The following CYP1B1 variants were observed in gnomAD, a reference collection of about 807,000 sequenced individuals.
The protein encoded by CYP1B1 is cytochrome P450 1B1.
A neutral mutation model predicts 29.9 loss-of-function variants in CYP1B1; 22 were observed. That is an observed-to-expected ratio of 0.74 (90% CI 0.53 to 1.05). The LOEUF is 1.05. Ranked by LOEUF, CYP1B1 falls within the 50% of genes least tolerant of loss-of-function variation. The pLI is 0.00. For synonymous variants in CYP1B1, 375 were observed against 320.0 expected (o/e 1.17, Z -1.83); for missense variants, 883 against 746.9 (o/e 1.18, Z -2.12).
Position 38,075,925 on chromosome 2 carries a change from G to C in CYP1B1, c.-147C>G, listed in dbSNP as rs574295542. 3.0e-3 allele frequency: 486 copies of C among 163,762 alleles called. 3 individuals are homozygous for C. Among genetic ancestry groups the C allele is most frequent in the African/African-American group, 0.011 (466 of 41,658 alleles). 10.1% of individuals were successfully genotyped at this position (163,762 alleles called of 1,614,324 possible). A position where few individuals can be genotyped will look rare whatever the true frequency, so the allele number is the denominator to read the frequency against. ...TCACTGGAAGCTTTAACTCCCACTC[G>C]AGTCTCTTGGCGTCGTCAGTGCCAG... On this transcript the variant is annotated 5_prime_UTR_variant, in exon 1 of 3. Transcript: ENST00000610745.
At chr2:38,073,357 G>A (rs943346796) in intron 2 of CYP1B1, 1 of 152,164 alleles carries the variant, frequency 6.6e-6, no homozygotes, top group East Asian at 1.9e-4. Context: ...CACAAAACCA[G>A]GATTTCTGGT....
At position 38,074,745 on chromosome 2, in the gene CYP1B1, C is replaced by T; in HGVS notation, c.644G>A (p.Ser215Asn). The T allele has an allele frequency of 6.9e-6, 11 of 1,604,382 alleles. No homozygotes were observed. Among genetic ancestry groups the T allele is most frequent in the Non-Finnish European group, 9.4e-6 (11 of 1,176,278 alleles). Residue 215 changes from serine to asparagine, a missense_variant, in exon 2 of 3, where the codon AGC becomes AAC. Ser to Asn is a conservative substitution (Grantham distance 46). Transcript: ENST00000610745. ...MSAVCFGCRY[S>N]HDDPEFRELL... Reference sequence around the variant, plus strand: ...CTCACGGAACTCGGGGTCGTCGTGGCTGTAGCGGCAGCCGAAACACACGGC... The same window carrying T: ...CTCACGGAACTCGGGGTCGTCGTGGTTGTAGCGGCAGCCGAAACACACGGC...
rs898383935 is a variant in CYP1B1, at chr2:38,069,975, A to G, written c.*747T>C. On this transcript the variant is annotated 3_prime_UTR_variant, in exon 3 of 3. Transcript: ENST00000610745. ...CTTTGGCAAGCAAAAGAGGTACAAC[A>G]TCACCTTGGAGTTTTACAATTTAAT... 1 of 202,020 alleles carries G rather than the reference A, an allele frequency of 5.0e-6. No homozygotes were observed. Among genetic ancestry groups the G allele is most frequent in the African/African-American group, 2.3e-5 (1 of 43,596 alleles). The allele number at this position is 202,020 out of a possible 1,614,324, so 12.5% of individuals were successfully genotyped here.
In CYP1B1 at chr2:38,073,973, G is replaced by C. The variant is rs903851503; in HGVS notation, c.1043+373C>G. 3.0e-5 allele frequency: 9 copies of C among 296,870 alleles called. No homozygotes were observed. The Admixed American group carries it at 3.8e-4, about 13-fold the overall frequency. 18.4% of individuals were successfully genotyped at this position (296,870 alleles called of 1,614,324 possible). A position where few individuals can be genotyped will look rare whatever the true frequency, so the allele number is the denominator to read the frequency against. ...TATTTATGACATTACCTTTTCTTTC[G>C]GAACTATTCCAGTTCTGATTGTAAT... On this transcript the variant is annotated intron_variant, in intron 2 of 2. Transcript: ENST00000610745.
In CYP1B1 at chr2:38,075,156, G is replaced by T. The variant is rs1055845013; in HGVS notation, c.233C>A (p.Ala78Glu). The change falls in exon 2 of 3, where the codon GCG becomes GAG. Residue 78 changes from alanine to glutamate, a missense_variant. Transcript: ENST00000610745. ...QAAHLSFARLARRYGDVFQIR... is the reference protein window; with the variant it reads ...QAAHLSFARLERRYGDVFQIR... ...CTGGAAAACGTCGCCGTAGCGCCGC[G>T]CCAGGCGAGCGAACGAGAGGTGAGC... 9 of 1,572,210 alleles carry T rather than the reference G, an allele frequency of 5.7e-6. No homozygotes were observed. Among genetic ancestry groups the T allele is most frequent in the Non-Finnish European group, 6.9e-6 (8 of 1,166,650 alleles).
chr2:38,072,893 A>C (rs988363382), intron 2 of CYP1B1, among the ~76,000 whole-genome samples: 23 of 105,678 alleles, frequency 2.2e-4, no homozygotes, highest in African/African-American at 1.0e-3. Flanking sequence ...CTTTTCACTA[A>C]AAAGGAAAAA....
chr2:38,070,384 A>G lies in CYP1B1; in HGVS notation c.*338T>C. On this transcript the variant is annotated 3_prime_UTR_variant, in exon 3 of 3. Coordinates refer to ENST00000610745, the MANE Select transcript of CYP1B1 (RefSeq NM_000104.4). ...TTACCAAAATACTGCTTCATTCAGTAGTTTGGTGTAAGTGTTTGGGTGTAT... is the reference window on the plus strand; with the variant it reads ...TTACCAAAATACTGCTTCATTCAGTGGTTTGGTGTAAGTGTTTGGGTGTAT... 1 of 339,390 alleles carries G rather than the reference A, an allele frequency of 2.9e-6. No individual in the cohort carries two copies. Among genetic ancestry groups the G allele is most frequent in the Non-Finnish European group, 5.4e-6 (1 of 183,994 alleles). 21.0% of individuals were successfully genotyped at this position (339,390 alleles called of 1,614,324 possible).
At position 38,071,114 on chromosome 2, in the gene CYP1B1, T is replaced by A. The variant is rs760381965; in HGVS notation, c.1240A>T (p.Ile414Phe). Reference sequence around the variant, plus strand: ...ACAAAAACCACAGTGTCCTTGGGAATGTGGTAGCCCAAGACAGAGGTGTTG... The same window carrying A: ...ACAAAAACCACAGTGTCCTTGGGAAAGTGGTAGCCCAAGACAGAGGTGTTG... ...TANTSVLGYH[I>F]PKDTVVFVNQ... Residue 414 changes from isoleucine (I) to phenylalanine (F), a missense_variant, in exon 3 of 3, where the codon ATT becomes TTT. Physicochemically the swap from Ile to Phe is conservative, Grantham distance 21. Transcript: ENST00000610745. The A allele has an allele frequency of 6.2e-7, 1 of 1,613,194 alleles. No individual in the cohort carries two copies. Among genetic ancestry groups the A allele is most frequent in the Admixed American group, 1.7e-5 (1 of 60,014 alleles).
At position 38,071,328 on chromosome 2, in the gene CYP1B1, T is replaced by TA; in HGVS notation, c.1044-19_1044-18insT. The TA allele has an allele frequency of 6.2e-7, 1 of 1,610,518 alleles. No homozygotes were observed. Among genetic ancestry groups the TA allele is most frequent in the African/African-American group, 1.3e-5 (1 of 74,968 alleles). ...CAGGATACCTGTTTGGTGTTTAATG[T>TA]GGAGAGAGAAAAGCAAGTGAGCAAA... is the stretch of plus-strand genomic sequence containing the variant. On this transcript the variant is annotated intron_variant, in intron 2 of 2. Coordinates refer to ENST00000610745, the MANE Select transcript of CYP1B1 (RefSeq NM_000104.4).
In CYP1B1 at chr2:38,070,473, G is replaced by A; in HGVS notation, c.*249C>T. The A allele has an allele frequency of 1.8e-6, 1 of 541,352 alleles. No homozygotes were observed. Among genetic ancestry groups the A allele is most frequent in the Non-Finnish European group, 3.3e-6 (1 of 302,532 alleles). The allele number at this position is 541,352 out of a possible 1,614,324, so 33.5% of individuals were successfully genotyped here. Reference sequence around the variant, plus strand: ...TTCAGAAATAACCAAGATGCAGTATGTATATAATAATTCATTGGGCCCTTT... The same window carrying A: ...TTCAGAAATAACCAAGATGCAGTATATATATAATAATTCATTGGGCCCTTT... On this transcript the variant is annotated 3_prime_UTR_variant, in exon 3 of 3. Transcript: ENST00000610745.
Position 38,069,477 on chromosome 2 carries a change from A to G in CYP1B1, c.*1245T>C, listed in dbSNP as rs1474011504. ...AATAATCAGAATGGCTTTAAAATTT[A>G]GTTAAAATTTAAGCATGCCATGAAT... On this transcript the variant is annotated 3_prime_UTR_variant, in exon 3 of 3. Coordinates refer to ENST00000610745, the MANE Select transcript of CYP1B1 (RefSeq NM_000104.4). 1 of 202,870 alleles carries G rather than the reference A, an allele frequency of 4.9e-6. No individual in the cohort carries two copies. The highest frequency in any genetic ancestry group is 2.3e-5 in the African/African-American group (1 of 43,698). 12.6% of individuals were successfully genotyped at this position (202,870 alleles called of 1,614,324 possible).
intron 1 of CYP1B1, 149 bp downstream of exon 1, chr2:38,075,631 C>T: frequency 1.7e-6 from 1 of 587,518 alleles, no homozygotes; most frequent in East Asian, 2.8e-5. Context: ...CCCCGCAAGG[C>T]GCGTAACGGT....
At position 38,075,108 on chromosome 2, in the gene CYP1B1, A is replaced by G. The variant is rs772563612; in HGVS notation, c.281T>C (p.Ile94Thr). The G allele has an allele frequency of 6.3e-6, 10 of 1,580,626 alleles. No individual in the cohort carries two copies. The highest frequency in any genetic ancestry group is 1.3e-5 in the African/African-American group (1 of 74,536). The change falls in exon 2 of 3, where the codon ATA becomes ACA. Residue 94 changes from isoleucine (I) to threonine (T), a missense_variant. Coordinates refer to ENST00000610745, the MANE Select transcript of CYP1B1 (RefSeq NM_000104.4). ...GGCGCGCTCGCCATTCAGCACCACTATGGGGCAGCTGCCCAGGCGGATCTG... is the reference window on the plus strand; with the variant it reads ...GGCGCGCTCGCCATTCAGCACCACTGTGGGGCAGCTGCCCAGGCGGATCTG... ...VFQIRLGSCP[I>T]VVLNGERAIH...
Position 38,070,893 on chromosome 2 carries a change from C to G in CYP1B1, c.1461G>C (p.Leu487=). The change falls in exon 3 of 3, where the codon CTG becomes CTC. Residue 487 remains leucine, a synonymous_variant. Coordinates refer to ENST00000610745, the MANE Select transcript of CYP1B1 (RefSeq NM_000104.4). ...KMQLFLFISI[L]AHQCDFRANP... is the part of the protein sequence containing the mutation. ...TGGCCCTGAAATCGCACTGGTGAGC[C>G]AGGATGGAGATGAAGAGAAAAAGCT... is the stretch of plus-strand genomic sequence containing the variant. The G allele has an allele frequency of 6.2e-7, 1 of 1,614,132 alleles. No homozygotes were observed. Among genetic ancestry groups the G allele is most frequent in the South Asian group, 1.1e-5 (1 of 91,086 alleles).
chr2:38,074,452 C>A lies in CYP1B1; in HGVS notation c.937G>T (p.Ala313Ser). The A allele has an allele frequency of 1.2e-6, 2 of 1,613,184 alleles. No homozygotes were observed. ...KAAGDSHGGG[A>S]RLDLENVPAT... ...GGTACGTTCTCCAAATCCAGCCGCG[C>A]GCCACCACCGTGCGAGTCCCCGGCC... is the stretch of plus-strand genomic sequence containing the variant. Residue 313 changes from alanine (A) to serine (S), a missense_variant, in exon 2 of 3, where the codon GCG becomes TCG. Ala to Ser is a moderately conservative substitution (Grantham distance 99). Transcript: ENST00000610745.
At position 38,074,595 on chromosome 2, in the gene CYP1B1, T is replaced by C. The variant is rs776762098; in HGVS notation, c.794A>G (p.Asn265Ser). 4 of 1,613,042 alleles carry C rather than the reference T, an allele frequency of 2.5e-6. No individual in the cohort carries two copies. Among genetic ancestry groups the C allele is most frequent in the Non-Finnish European group, 3.4e-6 (4 of 1,179,742 alleles). ...CAGGATGAAGTTGCTGAAGTTGCGG[T>C]TGAGCTGCTCGAATTCGCGGAAAAC... ...RTVFREFEQL[N>S]RNFSNFILDK... is the part of the protein sequence containing the mutation. The change falls in exon 2 of 3, where the codon AAC becomes AGC. Residue 265 changes from asparagine (N) to serine (S), a missense_variant. Transcript: ENST00000610745.
intron 1 of CYP1B1, 119 bp downstream of exon 1, chr2:38,075,661 C>T (rs1420738076): frequency 3.6e-6 from 2 of 561,564 alleles, no homozygotes; most frequent in African/African-American, 1.9e-5. Flanking sequence ...CTGGGGACAA[C>T]GCTGCGGGCA....
Position 38,069,292 on chromosome 2 carries a change from C to T in CYP1B1, c.*1430G>A, listed in dbSNP as rs1336239671. 4 of 219,896 alleles carry T rather than the reference C, an allele frequency of 1.8e-5. No homozygotes were observed. Among genetic ancestry groups the T allele is most frequent in the Non-Finnish European group, 3.6e-5 (4 of 109,710 alleles). 13.6% of individuals were successfully genotyped at this position (219,896 alleles called of 1,614,324 possible). ...AAATCATCTAGAAGAGAAACTTGGT[C>T]AGTTGTAATGGGAGTTCTGTCCCCA... On this transcript the variant is annotated 3_prime_UTR_variant, in exon 3 of 3. Transcript: ENST00000610745.
chr2:38,075,402 A>G lies in CYP1B1; in HGVS notation c.-1-13T>C, dbSNP rs552119047. The G allele has an allele frequency of 2.2e-5, 36 of 1,610,088 alleles. No individual in the cohort carries two copies. In the African/African-American group the frequency reaches 4.0e-4, roughly 18 times the overall value. Reference sequence around the variant, plus strand: ...GCTGGTGCCCATGCTGGGGACAGAGAGGAGAAGGCGTGACACTCAGGGGTG... The same window carrying G: ...GCTGGTGCCCATGCTGGGGACAGAGGGGAGAAGGCGTGACACTCAGGGGTG... On this transcript the variant is annotated splice_polypyrimidine_tract_variant and intron_variant, in intron 1 of 2. Transcript: ENST00000610745.
Sources: allele counts gnomAD v4.1 joint callset (sites outside exome capture counted in the v4.1 genomes callset), GRCh38; gene constraint gnomAD v4.1.1; transcripts MANE v1.5; gene names NCBI Gene and HGNC (gene_info 2026-07-23, HGNC 2026-07-21).